C7: variants seen among roughly 807,000 people sequenced by gnomAD.
C7 encodes complement component C7.
In C7, 83 loss-of-function variants were observed where a neutral mutation model predicts 104.8. That is an observed-to-expected ratio of 0.79 (90% CI 0.66 to 0.95). C7 has a LOEUF of 0.95. Among genes scored for constraint, C7 ranks in the 40% least tolerant of loss-of-function variants. C7 has a pLI of 0.00. For synonymous variants in C7, 415 were observed against 360.6 expected (o/e 1.15, Z -1.71); for missense variants, 1,070 against 1,011.2 (o/e 1.06, Z -0.79).
chr5:40,948,497 C>G (rs2111633107), intron 8 of C7, among the ~76,000 whole-genome samples: 1 of 152,280 alleles, frequency 6.6e-6, no homozygotes, highest in African/African-American at 2.4e-5. Flanking sequence ...CTGGGTCTAA[C>G]TGGCCTCAAA....
chr5:40,937,222 T>C (rs1366538661), intron 5 of C7: 10 of 171,106 alleles, frequency 5.8e-5, no homozygotes, highest in Admixed American at 1.2e-4. Flanking sequence ...CTTAATTGTA[T>C]TGGTTTTATC....
chr5:40,941,479 T>C (rs1286027643), intron 6 of C7, among the ~76,000 whole-genome samples: 1 of 152,012 alleles, frequency 6.6e-6, no homozygotes, highest in Non-Finnish European at 1.5e-5. Context: ...TAAAAAAGAC[T>C]TTTTTCTGGT....
intron 1 of C7, among the ~76,000 whole-genome samples, chr5:40,912,782 T>C (rs1163486325): frequency 6.6e-6 from 1 of 152,200 alleles, no homozygotes; most frequent in African/African-American, 2.4e-5. Flanking sequence ...ATGGTTTTTT[T>C]TGGAAATTTT....
intron 6 of C7, among the ~76,000 whole-genome samples, chr5:40,944,246 G>T (rs1037974452): frequency 2.6e-5 from 4 of 152,212 alleles, no homozygotes; most frequent in Non-Finnish European, 4.4e-5. Context: ...CAGTGAGAGG[G>T]AGTCTTCTTG....
At chr5:40,925,776 C>G (rs324068) in intron 1 of C7, among the ~76,000 whole-genome samples, 73,452 of 151,904 alleles carry the variant, frequency 0.48, 18,992 homozygotes, top group African/African-American at 0.69. Context: ...GGAAGGCAAA[C>G]TGGGAACAGG....
At chr5:40,973,355 A>G (rs1383104694) in intron 15 of C7, among the ~76,000 whole-genome samples, 1 of 152,208 alleles carries the variant, frequency 6.6e-6, no homozygotes, top group Non-Finnish European at 1.5e-5. Flanking sequence ...TCACTTGCAT[A>G]CTATTTTATG....
chr5:40,951,778 G>A (rs981589859), intron 9 of C7, among the ~76,000 whole-genome samples: 1 of 152,162 alleles, frequency 6.6e-6, no homozygotes, highest in African/African-American at 2.4e-5. Context: ...CATGTGTCAT[G>A]GTTCTCAGTG....
intron 1 of C7, among the ~76,000 whole-genome samples, chr5:40,923,377 G>A (rs1043409837): frequency 4.6e-5 from 7 of 152,168 alleles, no homozygotes; most frequent in African/African-American, 9.7e-5. Context: ...TTCTGGTGAC[G>A]CCTTCAGGGA....
chr5:40,953,735 A>G (rs1740227357), intron 9 of C7, among the ~76,000 whole-genome samples: 1 of 152,056 alleles, frequency 6.6e-6, no homozygotes, highest in Non-Finnish European at 1.5e-5. Context: ...TAAAATAGCT[A>G]GAAGACAAGA....
At chr5:40,968,659 T>C (rs540639992) in intron 14 of C7, among the ~76,000 whole-genome samples, 7 of 135,442 alleles carry the variant, frequency 5.2e-5, no homozygotes, top group African/African-American at 1.9e-4. Flanking sequence ...TCACCCATGC[T>C]GAAGTGCAGT....
At chr5:40,962,553 T>C (rs1281267477) in intron 13 of C7, among the ~76,000 whole-genome samples, 1 of 152,124 alleles carries the variant, frequency 6.6e-6, no homozygotes, top group African/African-American at 2.4e-5. Flanking sequence ...CTCATAACTG[T>C]AGGCCCTGGG....
intron 1 of C7, among the ~76,000 whole-genome samples, chr5:40,926,157 C>A (rs966413001): frequency 6.6e-6 from 1 of 152,162 alleles, no homozygotes; most frequent in African/African-American, 2.4e-5. Flanking sequence ...ATGACAAAAA[C>A]TATATGATCA....
intron 7 of C7, among the ~76,000 whole-genome samples, chr5:40,946,589 A>G (rs2111627187): frequency 6.6e-6 from 1 of 152,268 alleles, no homozygotes; most frequent in Middle Eastern, 3.4e-3. Context: ...ACTTCATTAT[A>G]AAGTAGCTTC....
chr5:40,941,061 T>C (rs2111610830), intron 6 of C7, among the ~76,000 whole-genome samples: 1 of 133,346 alleles, frequency 7.5e-6, no homozygotes, highest in Non-Finnish European at 1.7e-5. Flanking sequence ...GAGGAACACT[T>C]CTTTTTTTTT....
intron 1 of C7, among the ~76,000 whole-genome samples, chr5:40,914,379 A>T (rs924240638): frequency 1.3e-5 from 2 of 152,188 alleles, no homozygotes; most frequent in African/African-American, 4.8e-5. Context: ...TGTCAGATGC[A>T]TAATTTGCAG....
intron 14 of C7, 63 bp downstream of exon 14, chr5:40,964,936 G>C: frequency 6.4e-7 from 1 of 1,566,558 alleles, no homozygotes; most frequent in Non-Finnish European, 8.8e-7. Flanking sequence ...AATGAATCAA[G>C]ATAAATAACA....
At chr5:40,951,064 A>T (rs2111641170) in intron 9 of C7, among the ~76,000 whole-genome samples, 1 of 152,340 alleles carries the variant, frequency 6.6e-6, no homozygotes, top group Non-Finnish European at 1.5e-5. Context: ...AACATTTGGC[A>T]GGATTAAAAA....
chr5:40,978,258 G>A (rs1235176260), intron 16 of C7, among the ~76,000 whole-genome samples: 1 of 151,772 alleles, frequency 6.6e-6, no homozygotes, highest in African/African-American at 2.4e-5. Context: ...ATTGTATATA[G>A]CAATTTCTGG....
intron 16 of C7, among the ~76,000 whole-genome samples, chr5:40,978,503 G>A (rs564016396): frequency 1.6e-4 from 24 of 152,260 alleles, no homozygotes; most frequent in African/African-American, 5.1e-4. Context: ...TGGCAACAAG[G>A]TGGTATTGTA....
Sources: gnomAD v4.1 joint callset for allele counts (sites outside exome capture counted in the v4.1 genomes callset) on GRCh38, gnomAD v4.1.1 for gene constraint, MANE v1.5 for transcripts, NCBI Gene and HGNC (gene_info 2026-07-23, HGNC 2026-07-21) for gene names.